STX7: variants seen among roughly 807,000 people sequenced by gnomAD.
STX7 encodes syntaxin 7, also known as syntaxin-7.
In STX7, 34 loss-of-function variants were observed where a neutral mutation model predicts 39.6. That is an observed-to-expected ratio of 0.86 (90% CI 0.65 to 1.14). The LOEUF (loss-of-function observed/expected upper bound fraction) is 1.14. STX7 is among the 50% of genes most tolerant of loss of function. The pLI, the probability that STX7 is intolerant of heterozygous loss-of-function variation, is 0.00. For synonymous variants in STX7, 119 were observed against 99.1 expected, an observed-to-expected ratio of 1.20 and a Z score of -1.19; for missense variants, 284 against 310.4, an observed-to-expected ratio of 0.92 and a Z score of 0.64.
intron 9 of STX7, chr6:132,461,731 C>A: frequency 8.6e-7 from 1 of 1,167,432 alleles, no homozygotes; most frequent in Non-Finnish European, 1.2e-6. Flanking sequence ...AACCACAGAG[C>A]AAACAAAATC....
intron 9 of STX7, among the ~76,000 whole-genome samples, chr6:132,463,043 A>C: frequency 6.6e-6 from 1 of 151,978 alleles, no homozygotes; most frequent in East Asian, 1.9e-4. Flanking sequence ...GCAACACAGC[A>C]AAACTCTATC....
At chr6:132,462,582 GGTGTGTGTGT>G (rs71952617) in intron 9 of STX7, among the ~76,000 whole-genome samples, 14 of 144,992 alleles carry the variant, frequency 9.7e-5, no homozygotes, top group African/African-American at 1.8e-4. Context: ...CATTTGCAGG[GGTGTGTGTGT>G]GTGTGTGTGT....
In STX7 at chr6:132,452,031, G is replaced by A. The variant is rs1774145634; in HGVS notation, c.*8727C>T. 1 of 152,014 alleles carries A rather than the reference G, an allele frequency of 6.6e-6. No individual in the cohort carries two copies. The highest frequency in any genetic ancestry group is 1.5e-5 in the Non-Finnish European group (1 of 67,990). 9.4% of individuals were successfully genotyped at this position (152,014 alleles called of 1,614,324 possible). On this transcript the variant is annotated 3_prime_UTR_variant, in exon 10 of 10. Transcript: ENST00000367941. ...AAAAGAATTAAGCTATATATACAAA[G>A]ATACACCACGACCAAGTGGAGTTTA...
intron 9 of STX7, chr6:132,461,837 C>T (rs1774413873): frequency 1.5e-5 from 23 of 1,542,096 alleles, no homozygotes; most frequent in Non-Finnish European, 2.0e-5. Context: ...TTGTACCTCA[C>T]ATCAACATGC....
At chr6:132,509,814 T>C (rs1461671487) in intron 1 of STX7, among the ~76,000 whole-genome samples, 2 of 152,144 alleles carry the variant, frequency 1.3e-5, no homozygotes, top group Non-Finnish European at 2.9e-5. Context: ...AACTACAAAT[T>C]GATTAAAAGC....
chr6:132,503,519 A>G lies in STX7; in HGVS notation c.12T>C (p.Thr4=), dbSNP rs1442583967. The change falls in exon 2 of 10, where the codon ACT becomes ACC. Residue 4 remains threonine (T), a synonymous_variant. Transcript: ENST00000367941. ...GGGCGGGGTCACCACCAACTCCTGG[A>G]GTGTAAGACATGGTTGATGTTCTTA... The part of the protein sequence containing the change: MSY[T]PGVGGDPAQL... 6.2e-7 allele frequency: 1 copy of G among 1,613,988 alleles called. No homozygotes were observed. Among genetic ancestry groups the G allele is most frequent in the Non-Finnish European group, 8.5e-7 (1 of 1,179,860 alleles).
chr6:132,463,814 G>A (rs1199498050), intron 9 of STX7, among the ~76,000 whole-genome samples, 179 bp downstream of exon 9: 1 of 152,138 alleles, frequency 6.6e-6, no homozygotes, highest in Non-Finnish European at 1.5e-5. Context: ...GAAGAACACA[G>A]GCTAAAAACA....
intron 8 of STX7, among the ~76,000 whole-genome samples, chr6:132,465,043 A>C (rs946709698): frequency 6.6e-6 from 1 of 152,158 alleles, no homozygotes; most frequent in Non-Finnish European, 1.5e-5. Flanking sequence ...CATTCCTTGA[A>C]TATTTTAGCC....
At chr6:132,506,444 T>A (rs1181144497) in intron 1 of STX7, among the ~76,000 whole-genome samples, 1 of 151,836 alleles carries the variant, frequency 6.6e-6, no homozygotes, top group Non-Finnish European at 1.5e-5. Flanking sequence ...GCAAAGCACA[T>A]GAATAGACAT....
chr6:132,460,694 T>C lies in STX7; in HGVS notation c.*64A>G, dbSNP rs1454367897. The stretch of plus-strand genomic sequence containing the variant: ...CTTTAAAATAATAATTAAAAAAACA[T>C]GATTACAGGAATCTTCCTACATAAT... On this transcript the variant is annotated 3_prime_UTR_variant, in exon 10 of 10. Transcript: ENST00000367941. 1.6e-6 allele frequency: 2 copies of C among 1,227,416 alleles called. No individual in the cohort carries two copies. Among genetic ancestry groups the C allele is most frequent in the South Asian group, 1.4e-5 (1 of 73,836 alleles). 76.0% of individuals were successfully genotyped at this position (1,227,416 alleles called of 1,614,324 possible).
chr6:132,454,415 A>G lies in STX7; in HGVS notation c.*6343T>C, dbSNP rs1774202886. The G allele has an allele frequency of 6.6e-6, 1 of 152,276 alleles. No individual in the cohort carries two copies. Among genetic ancestry groups the G allele is most frequent in the Non-Finnish European group, 1.5e-5 (1 of 67,990 alleles). The allele number at this position is 152,276 out of a possible 1,614,324, so 9.4% of individuals were successfully genotyped here. A position where few individuals can be genotyped will look rare whatever the true frequency, so the allele number is the denominator to read the frequency against. ...GTCAGTATCCTGGGTATGATATTGT[A>G]TGACAGTTTTGAAAGATGTTCACTG... On this transcript the variant is annotated 3_prime_UTR_variant, in exon 10 of 10. Coordinates refer to ENST00000367941, the MANE Select transcript of STX7 (RefSeq NM_003569.3).
chr6:132,498,022 A>G (rs1429287535), intron 2 of STX7, among the ~76,000 whole-genome samples: 3 of 152,196 alleles, frequency 2.0e-5, no homozygotes, highest in South Asian at 2.1e-4. Flanking sequence ...GTTGAAAAAG[A>G]CTGGATGGCA....
At chr6:132,479,477 A>C (rs1774962149) in intron 2 of STX7, among the ~76,000 whole-genome samples, 1 of 152,332 alleles carries the variant, frequency 6.6e-6, no homozygotes, top group South Asian at 2.1e-4. Context: ...CCTGGATAGA[A>C]TAAACAATGG....
Position 132,462,582 on chromosome 6 carries a change from G to GGTGTGTGTGTGTGT in STX7, c.693+1397_693+1410dup, listed in dbSNP as rs71952617. ...CCAGAAGACTTCTGGCATTTGCAGG[G>GGTGTGTGTGTGTGT]GTGTGTGTGTGTGTGTGTGTGTGTG... is the stretch of plus-strand genomic sequence containing the variant. On this transcript the variant is annotated intron_variant, in intron 9 of 9. Transcript: ENST00000367941. 4.4e-3 allele frequency among the ~76,000 whole-genome samples: 633 copies of GGTGTGTGTGTGTGT among 144,964 alleles called. 4 individuals are homozygous for GGTGTGTGTGTGTGT. Among genetic ancestry groups the GGTGTGTGTGTGTGT allele is most frequent in the African/African-American group, 0.015 (584 of 38,730 alleles).
chr6:132,472,297 G>T lies in STX7; in HGVS notation c.234C>A (p.Thr78=). 2 of 1,612,830 alleles carry T rather than the reference G, an allele frequency of 1.2e-6. No individual in the cohort carries two copies. Among genetic ancestry groups the T allele is most frequent in the Non-Finnish European group, 1.7e-6 (2 of 1,179,538 alleles). ...KYIKEFGSLP[T]TPSEQRQRKI... ...AGCTTGATACCTGTTCACTGGGGGT[G>T]GTGGGCAGAGATCCAAACTCTTTAA... is the stretch of plus-strand genomic sequence containing the variant. The change falls in exon 4 of 10, where the codon ACC becomes ACA. Residue 78 remains threonine (T), a synonymous_variant. Transcript: ENST00000367941.
In STX7 at chr6:132,460,458, A is replaced by G. The variant is rs1269491702; in HGVS notation, c.*300T>C. ...TTAAATTTACGAATTCCCAAAACTAAGTCAAGCAGGGTAAATAAATTATAA... is the reference window on the plus strand; with the variant it reads ...TTAAATTTACGAATTCCCAAAACTAGGTCAAGCAGGGTAAATAAATTATAA... On this transcript the variant is annotated 3_prime_UTR_variant, in exon 10 of 10. Transcript: ENST00000367941. 2 of 201,224 alleles carry G rather than the reference A, an allele frequency of 9.9e-6. No homozygotes were observed. The highest frequency in any genetic ancestry group is 2.0e-5 in the Non-Finnish European group (2 of 100,274). 12.5% of individuals were successfully genotyped at this position (201,224 alleles called of 1,614,324 possible).
intron 1 of STX7, among the ~76,000 whole-genome samples, chr6:132,506,354 A>G (rs1275886566): frequency 3.3e-5 from 5 of 152,126 alleles, no homozygotes; most frequent in South Asian, 2.1e-4. Flanking sequence ...CTACACATCC[A>G]ACGAGATTAA....
chr6:132,478,191 T>TA (rs574534113), intron 2 of STX7, among the ~76,000 whole-genome samples: 67 of 148,668 alleles, frequency 4.5e-4, no homozygotes, highest in Non-Finnish European at 8.2e-4. Context: ...TAAAGTATAA[T>TA]AAAAAAAAAG....
chr6:132,499,763 C>A (rs770417487), intron 2 of STX7, among the ~76,000 whole-genome samples: 6 of 152,078 alleles, frequency 3.9e-5, no homozygotes, highest in Non-Finnish European at 7.4e-5. Context: ...TTTTAAATAC[C>A]ATTTATACTC....
Sources: gnomAD v4.1 joint callset for allele counts (sites outside exome capture counted in the v4.1 genomes callset) on GRCh38, gnomAD v4.1.1 for gene constraint, MANE v1.5 for transcripts, NCBI Gene and HGNC (gene_info 2026-07-23, HGNC 2026-07-21) for gene names.